The following SCAPER variants were observed in gnomAD, a reference collection of about 807,000 sequenced individuals.
SCAPER encodes the protein S-phase cyclin A associated protein in the ER.
In SCAPER, 98 loss-of-function variants were observed where a neutral mutation model predicts 182.2. That is an observed-to-expected ratio of 0.54 (90% CI 0.46 to 0.64). SCAPER has a LOEUF of 0.64. Among genes scored for constraint, SCAPER ranks in the 30% least tolerant of loss-of-function variants. The pLI is 0.00. For missense variants in SCAPER, 1,432 were observed against 1,690.0 expected (o/e 0.85, Z 2.68); for synonymous variants, 605 against 564.6 (o/e 1.07, Z -1.01).
intron 14 of SCAPER, among the ~76,000 whole-genome samples, chr15:76,760,755 G>C (rs1335870156): frequency 1.3e-5 from 2 of 152,160 alleles, no homozygotes; most frequent in Non-Finnish European, 2.9e-5. Context: ...GAAGTTATCT[G>C]TTGGGAACCA....
chr15:76,667,894 C>T (rs2056735212), intron 20 of SCAPER, among the ~76,000 whole-genome samples: 2 of 147,456 alleles, frequency 1.4e-5, no homozygotes, highest in African/African-American at 5.0e-5. Flanking sequence ...ACCCAGAAGG[C>T]AGAGGTTGCA....
At chr15:76,391,489 C>T (rs2043693026) in intron 27 of SCAPER, among the ~76,000 whole-genome samples, 1 of 151,976 alleles carries the variant, frequency 6.6e-6, no homozygotes, top group Non-Finnish European at 1.5e-5. Context: ...AAATATTTGC[C>T]AAAGAAATAG....
At chr15:76,685,334 AG>A (rs1341561680) in intron 20 of SCAPER, among the ~76,000 whole-genome samples, 1 of 151,996 alleles carries the variant, frequency 6.6e-6, no homozygotes, top group Non-Finnish European at 1.5e-5. Flanking sequence ...AAAAAAAAAA[AG>A]TAAATTTGAG....
chr15:76,533,082 T>C (rs1206975956), intron 23 of SCAPER, among the ~76,000 whole-genome samples: 4 of 152,192 alleles, frequency 2.6e-5, no homozygotes, highest in Non-Finnish European at 5.9e-5. Flanking sequence ...ATGATGTAGC[T>C]GGGCAAGGAT....
intron 29 of SCAPER, among the ~76,000 whole-genome samples, chr15:76,356,585 A>ATTT (rs2040976933): frequency 6.6e-6 from 1 of 152,184 alleles, no homozygotes; most frequent in South Asian, 2.1e-4. Context: ...TGTTCTCTCC[A>ATTT]TTTGCCTTAC....
At chr15:76,772,793 C>T (rs1364182531) in intron 9 of SCAPER, among the ~76,000 whole-genome samples, 1 of 151,772 alleles carries the variant, frequency 6.6e-6, no homozygotes, top group Non-Finnish European at 1.5e-5. Context: ...AACAATAGTA[C>T]TGTGTTTTCC....
intron 26 of SCAPER, among the ~76,000 whole-genome samples, chr15:76,411,874 T>C (rs1240481826): frequency 6.6e-6 from 1 of 152,196 alleles, no homozygotes; most frequent in Admixed American, 6.5e-5. Context: ...ATAACTAACA[T>C]ACTGAACACA....
Position 76,774,922 on chromosome 15 carries a change from T to A in SCAPER, c.968A>T (p.Asn323Ile). ...GTCTTTGGGATGAGATTCTATAGTA[T>A]TAGAAGTTCCATCTCCAACAAATTG... is the stretch of plus-strand genomic sequence containing the variant. ...KGQFVGDGTS[N>I]TIESHPKDSL... The change falls in exon 9 of 32, where the codon AAT (asparagine) becomes ATT (isoleucine). Residue 323 changes from asparagine to isoleucine, a missense_variant. Around this residue, in one of 5 missense-constraint regions of SCAPER, gnomAD observed 480 missense variants for 510.2 expected, o/e 0.94. Transcript: ENST00000563290. The A allele has an allele frequency of 6.2e-7, 1 of 1,613,676 alleles. No homozygotes were observed. Among genetic ancestry groups the A allele is most frequent in the Non-Finnish European group, 8.5e-7 (1 of 1,179,674 alleles).
intron 23 of SCAPER, among the ~76,000 whole-genome samples, chr15:76,562,861 T>C (rs1214396527): frequency 6.6e-6 from 1 of 152,168 alleles, no homozygotes; most frequent in African/African-American, 2.4e-5. Flanking sequence ...AATGGATAAA[T>C]ACCACTGTGA....
chr15:76,473,268 T>C (rs946752940), intron 24 of SCAPER, among the ~76,000 whole-genome samples: 2 of 152,220 alleles, frequency 1.3e-5, no homozygotes, highest in Non-Finnish European at 2.9e-5. Flanking sequence ...GAAGGGAGTT[T>C]GAAAGTTGTT....
chr15:76,738,159 T>TC (rs1163360116), intron 15 of SCAPER, among the ~76,000 whole-genome samples: 4 of 152,188 alleles, frequency 2.6e-5, no homozygotes, highest in Non-Finnish European at 5.9e-5. Flanking sequence ...TTTTTGTTTT[T>TC]CAAGACTGGG....
At chr15:76,892,528 C>A (rs2074221823) in intron 1 of SCAPER, among the ~76,000 whole-genome samples, 1 of 152,230 alleles carries the variant, frequency 6.6e-6, no homozygotes, top group African/African-American at 2.4e-5. Flanking sequence ...ACAGACACTT[C>A]TCTAAAGAAG....
intron 29 of SCAPER, among the ~76,000 whole-genome samples, chr15:76,375,956 G>T (rs1019774262): frequency 3.9e-5 from 6 of 152,214 alleles, no homozygotes; most frequent in Middle Eastern, 3.2e-3. Flanking sequence ...CTGCATTCCA[G>T]CCTGGGTGAT....
At chr15:76,794,247 GAAT>G (rs2065180920) in intron 8 of SCAPER, among the ~76,000 whole-genome samples, 1 of 152,186 alleles carries the variant, frequency 6.6e-6, no homozygotes, top group South Asian at 2.1e-4. Context: ...AGTTATTCAT[GAAT>G]AATCTGAAGT....
intron 22 of SCAPER, among the ~76,000 whole-genome samples, chr15:76,575,091 T>G (rs999088235): frequency 6.6e-6 from 1 of 152,188 alleles, no homozygotes; most frequent in African/African-American, 2.4e-5. Flanking sequence ...TTTACTCTTC[T>G]TAGACAAACC....
rs529619956 is a variant in SCAPER at position 76,881,292 on chromosome 15, C to T, written c.6+2520G>A. Among the ~76,000 whole-genome samples the T allele has an allele frequency of 7.9e-5, 12 of 152,274 alleles. No individual in the cohort carries two copies. The East Asian group carries it at 2.3e-3, about 29-fold the overall frequency. ...TGTATTTTTAGTAGAGCCAGGGTTT[C>T]GCCATGTTGGCCAAGCTGGTCTCAA... On this transcript the variant is annotated intron_variant, in intron 2 of 31. Transcript: ENST00000563290.
intron 22 of SCAPER, among the ~76,000 whole-genome samples, chr15:76,575,554 TA>T (rs1428059834): frequency 6.6e-6 from 1 of 152,244 alleles, no homozygotes; most frequent in Non-Finnish European, 1.5e-5. Flanking sequence ...CAGACAGGAC[TA>T]ATTTCACCAC....
chr15:76,379,264 A>G (rs1265223905), intron 28 of SCAPER, among the ~76,000 whole-genome samples: 1 of 152,068 alleles, frequency 6.6e-6, no homozygotes, highest in Non-Finnish European at 1.5e-5. Context: ...GGCAAGACTG[A>G]TAAGAGAGGA....
intron 29 of SCAPER, among the ~76,000 whole-genome samples, chr15:76,374,560 G>A (rs991530912): frequency 1.4e-4 from 21 of 147,484 alleles, no homozygotes; most frequent in African/African-American, 4.0e-4. Flanking sequence ...TCGGCTCATC[G>A]CAACCTCTGC....
Sources: gnomAD v4.1 joint callset for allele counts (sites outside exome capture counted in the v4.1 genomes callset) on GRCh38, gnomAD v4.1.1 for gene constraint, gnomAD v4.1.1 regional missense constraint, MANE v1.5 for transcripts, NCBI Gene and HGNC (gene_info 2026-07-23, HGNC 2026-07-21) for gene names.